PDGFD: variants seen among roughly 807,000 people sequenced by gnomAD.
PDGFD encodes the protein platelet-derived growth factor D.
Under a neutral mutation model 44.7 loss-of-function variants are expected in PDGFD, and 30 were observed. That is an observed-to-expected ratio of 0.67 (90% CI 0.50 to 0.91). PDGFD has a LOEUF of 0.91. PDGFD is among the 40% of genes least tolerant of loss of function. The pLI, the probability that PDGFD is intolerant of heterozygous loss-of-function variation, is 0.00. For missense variants in PDGFD, 445 were observed against 457.8 expected, an observed-to-expected ratio of 0.97 and a Z score of 0.25; for synonymous variants, 173 against 168.4, an observed-to-expected ratio of 1.03 and a Z score of -0.21.
chr11:103,943,651 C>G lies in PDGFD; in HGVS notation c.574-1G>C. ...CTGATGGAGAGTTATAGGATACCCCCTAAGAGTGACATACAGCTCAGTGTA... is the reference window on the plus strand; with the variant it reads ...CTGATGGAGAGTTATAGGATACCCCGTAAGAGTGACATACAGCTCAGTGTA... On this transcript the variant is annotated splice_acceptor_variant, in intron 4 of 6. Transcript: ENST00000393158. LOFTEE classifies it high-confidence loss of function. 6.2e-7 allele frequency: 1 copy of G among 1,610,696 alleles called. No individual in the cohort carries two copies.
Position 103,947,897 on chromosome 11 carries a change from C to G in PDGFD, c.511-173G>C, listed in dbSNP as rs554545852. ...GTCTTAAGCACATCTCCTCAAGAAC[C>G]CTTCTCATTTAAGACATGGACATTT... is the stretch of plus-strand genomic sequence containing the variant. On this transcript the variant is annotated intron_variant, in intron 3 of 6. Transcript: ENST00000393158. Among the ~76,000 whole-genome samples, 11 of 152,248 alleles carry G rather than the reference C, an allele frequency of 7.2e-5. No individual in the cohort carries two copies. The South Asian group carries it at 1.9e-3, about 26-fold the overall frequency.
At chr11:104,063,845 T>C (rs1308134438) in intron 1 of PDGFD, among the ~76,000 whole-genome samples, 2 of 152,196 alleles carry the variant, frequency 1.3e-5, no homozygotes, top group South Asian at 2.1e-4. Flanking sequence ...CCCTGACATA[T>C]GGAGATTACA....
chr11:104,158,550 A>C (rs1488523443), intron 1 of PDGFD, among the ~76,000 whole-genome samples: 1 of 152,228 alleles, frequency 6.6e-6, no homozygotes, highest in Non-Finnish European at 1.5e-5. Flanking sequence ...TAATCACCGA[A>C]GGCCGGGCGC....
intron 1 of PDGFD, among the ~76,000 whole-genome samples, chr11:104,099,994 A>T (rs377634896): frequency 4.6e-5 from 7 of 152,166 alleles, no homozygotes; most frequent in East Asian, 1.9e-4. Context: ...TTGGAACATA[A>T]AGAGAAGCCA....
At chr11:104,125,936 T>C (rs361292) in intron 1 of PDGFD, among the ~76,000 whole-genome samples, 14,908 of 152,198 alleles carry the variant, frequency 0.098, 805 homozygotes, top group East Asian at 0.24. Flanking sequence ...CATCGTTACA[T>C]AGAACAAGCA....
chr11:103,943,597 A>G lies in PDGFD; in HGVS notation c.627T>C (p.Ala209=). The change falls in exon 5 of 7, where the codon GCT becomes GCC. Residue 209 remains alanine (A), a synonymous_variant. Transcript: ENST00000393158. ...SVTDPTLIAD[A]LDKKIAEFDT... ...CAAATTCTGCAATTTTTTTGTCCAG[A>G]GCATCCGCAATCAGAGTGGGATCCG... The G allele has an allele frequency of 6.2e-7, 1 of 1,613,270 alleles. No homozygotes were observed. Among genetic ancestry groups the G allele is most frequent in the Non-Finnish European group, 8.5e-7 (1 of 1,179,548 alleles).
intron 1 of PDGFD, among the ~76,000 whole-genome samples, chr11:104,083,288 C>A (rs1487703417): frequency 2.6e-5 from 4 of 152,080 alleles, no homozygotes; most frequent in Non-Finnish European, 5.9e-5. Context: ...AAACTTTGAT[C>A]CGCCCAAAGG....
At chr11:103,943,246 G>A (rs1248796296) in intron 5 of PDGFD, among the ~76,000 whole-genome samples, 1 of 152,062 alleles carries the variant, frequency 6.6e-6, no homozygotes, top group East Asian at 1.9e-4. Context: ...ATTCTCAAAG[G>A]GAATGCTCAC....
At chr11:104,052,192 C>T (rs1860550707) in intron 1 of PDGFD, among the ~76,000 whole-genome samples, 1 of 152,154 alleles carries the variant, frequency 6.6e-6, no homozygotes, top group East Asian at 1.9e-4. Flanking sequence ...TGTATCAGTA[C>T]TTTACTCCTT....
intron 1 of PDGFD, among the ~76,000 whole-genome samples, chr11:104,006,679 G>C (rs1267486352): frequency 6.6e-6 from 1 of 152,206 alleles, no homozygotes; most frequent in Admixed American, 6.5e-5. Context: ...TGGACGAACA[G>C]CGTGGCAGAG....
intron 1 of PDGFD, among the ~76,000 whole-genome samples, chr11:104,110,311 A>T (rs887995495): frequency 1.4e-4 from 21 of 151,926 alleles, no homozygotes; most frequent in Middle Eastern, 3.2e-3. Flanking sequence ...AAAATTTTTA[A>T]AAATTAAATT....
chr11:103,991,178 G>T (rs1056922476), intron 3 of PDGFD, among the ~76,000 whole-genome samples: 1 of 151,892 alleles, frequency 6.6e-6, no homozygotes, highest in Non-Finnish European at 1.5e-5. Context: ...GGAGGATGAT[G>T]CTCACCTTTA....
intron 1 of PDGFD, among the ~76,000 whole-genome samples, chr11:104,104,285 TTTG>T (rs1861440437): frequency 6.6e-6 from 1 of 152,144 alleles, no homozygotes; most frequent in Non-Finnish European, 1.5e-5. Flanking sequence ...CTAATTTTGA[TTTG>T]TTATCGAAGT....
intron 1 of PDGFD, among the ~76,000 whole-genome samples, chr11:104,093,625 C>A (rs1195918853): frequency 6.6e-6 from 1 of 151,864 alleles, no homozygotes; most frequent in Admixed American, 6.6e-5. Flanking sequence ...CTTTTCAAAC[C>A]CCCTCACTCC....
intron 1 of PDGFD, among the ~76,000 whole-genome samples, chr11:104,044,907 G>A (rs180779570): frequency 2.0e-3 from 301 of 152,240 alleles, no homozygotes; most frequent in Non-Finnish European, 2.9e-3. Flanking sequence ...GCTTGGTGGC[G>A]GGTGCCTGTA....
At chr11:104,036,642 T>A in intron 1 of PDGFD, 2 of 609,340 alleles carry the variant, frequency 3.3e-6, no homozygotes, top group Non-Finnish European at 5.8e-6. Context: ...CAGCAGGCAC[T>A]GAGGCTGGGA....
At chr11:103,923,186 T>C (rs1858251400) in intron 6 of PDGFD, among the ~76,000 whole-genome samples, 1 of 152,164 alleles carries the variant, frequency 6.6e-6, no homozygotes, top group South Asian at 2.1e-4. Context: ...GAAGAAAAGG[T>C]ATTTTTCCTA....
chr11:104,096,179 T>C (rs2134441095), intron 1 of PDGFD, among the ~76,000 whole-genome samples: 1 of 152,284 alleles, frequency 6.6e-6, no homozygotes, highest in South Asian at 2.1e-4. Context: ...AGCTGCAATT[T>C]TATTTTTCTC....
At chr11:104,112,116 C>T (rs1236431518) in intron 1 of PDGFD, among the ~76,000 whole-genome samples, 4 of 151,942 alleles carry the variant, frequency 2.6e-5, no homozygotes, top group African/African-American at 9.7e-5. Flanking sequence ...TTTCCTAATT[C>T]AATTAATTAA....
Sources: gnomAD v4.1 joint callset for allele counts (sites outside exome capture counted in the v4.1 genomes callset) on GRCh38, gnomAD v4.1.1 for gene constraint, MANE v1.5 for transcripts, NCBI Gene and HGNC (gene_info 2026-07-23, HGNC 2026-07-21) for gene names.